Variants in GLYATL2 observed in about 807,000 individuals in gnomAD.
GLYATL2 encodes the protein glycine-N-acyltransferase like 2, also known as glycine N-acyltransferase-like protein 2.
In GLYATL2, 25 loss-of-function variants were observed where a neutral mutation model predicts 21.4. The observed-to-expected ratio is 1.17, with a 90% CI of 0.85 to 1.63. The LOEUF is 1.63. Ranked by LOEUF, GLYATL2 falls within the 40% of genes most tolerant of loss-of-function variation. The probability of loss-of-function intolerance (pLI) is 0.00; values close to 1 mark genes in which losing one functional copy is unlikely to be tolerated. For missense variants in GLYATL2, 361 were observed against 343.3 expected (o/e 1.05, Z -0.41); for synonymous variants, 114 against 118.2 (o/e 0.96, Z 0.23).
intron 1 of GLYATL2, among the ~76,000 whole-genome samples, chr11:58,895,878 G>A (rs185946068): frequency 6.6e-6 from 1 of 150,790 alleles, no homozygotes; most frequent in South Asian, 2.1e-4. Flanking sequence ...TTTTTTGAAG[G>A]AGTCTGGCTC....
upstream of GLYATL2, among the ~76,000 whole-genome samples, chr11:58,906,437 G>A (rs1854887899): frequency 6.6e-6 from 1 of 152,090 alleles, no homozygotes; most frequent in Admixed American, 6.5e-5. Flanking sequence ...CACTGATCAG[G>A]GAATGGAACA....
chr11:58,849,745 A>G (rs1853706682), intron 1 of GLYATL2, among the ~76,000 whole-genome samples: 1 of 152,188 alleles, frequency 6.6e-6, no homozygotes, highest in Non-Finnish European at 1.5e-5. Context: ...ATGAGAACAC[A>G]TGGACAAAGG....
chr11:58,873,271 C>A (rs1240976963), intron 1 of GLYATL2, among the ~76,000 whole-genome samples: 2 of 151,576 alleles, frequency 1.3e-5, no homozygotes, highest in African/African-American at 4.8e-5. Context: ...ATTGAATACC[C>A]TTTATTTCCT....
chr11:58,900,039 C>T (rs1054243066), intron 1 of GLYATL2, among the ~76,000 whole-genome samples: 1 of 152,048 alleles, frequency 6.6e-6, no homozygotes, highest in Non-Finnish European at 1.5e-5. Context: ...CGAAACCATG[C>T]GGAGCACCGG....
chr11:58,850,615 C>T (rs1281866567), intron 1 of GLYATL2, among the ~76,000 whole-genome samples: 2 of 152,030 alleles, frequency 1.3e-5, no homozygotes, highest in Admixed American at 1.3e-4. Flanking sequence ...CCAGACAGGG[C>T]CACTAGATGG....
chr11:58,886,143 G>A lies in GLYATL2; in HGVS notation n.60+18013C>T, dbSNP rs548483053. Among the ~76,000 whole-genome samples, 10 of 152,288 alleles carry A rather than the reference G, an allele frequency of 6.6e-5. No individual in the cohort carries two copies. In the South Asian group the frequency reaches 8.3e-4, roughly 13 times the overall value. On this transcript the variant is annotated intron_variant and non_coding_transcript_variant, in intron 1 of 4. Coordinates refer to the GLYATL2 transcript ENST00000533636. Reference sequence around the variant, plus strand: ...AGGTGGGAGGATGGCTTGAGCCCCAGGAGGTCGAGGTTGCATTGAGCCAAG... The same window carrying A: ...AGGTGGGAGGATGGCTTGAGCCCCAAGAGGTCGAGGTTGCATTGAGCCAAG...
chr11:58,880,295 T>C (rs1376197685), intron 1 of GLYATL2, among the ~76,000 whole-genome samples: 4 of 152,096 alleles, frequency 2.6e-5, no homozygotes, highest in Non-Finnish European at 2.9e-5. Context: ...GAGGCCAGGA[T>C]GGGGTCATAA....
At chr11:58,861,883 G>A (rs1397961650) in intron 1 of GLYATL2, among the ~76,000 whole-genome samples, 1 of 151,844 alleles carries the variant, frequency 6.6e-6, no homozygotes, top group Admixed American at 6.6e-5. Context: ...TTGTTATCTG[G>A]AATGATAAAT....
At chr11:58,838,076 C>T (rs1348720573) in intron 3 of GLYATL2, among the ~76,000 whole-genome samples, 185 bp downstream of exon 3, 2 of 152,136 alleles carry the variant, frequency 1.3e-5, no homozygotes, top group Non-Finnish European at 2.9e-5. Flanking sequence ...GATTACTGAT[C>T]ACTGGATCTA....
At chr11:58,897,703 C>T (rs1283383248) in intron 1 of GLYATL2, among the ~76,000 whole-genome samples, 1 of 152,224 alleles carries the variant, frequency 6.6e-6, no homozygotes, top group Non-Finnish European at 1.5e-5. Context: ...CCTTTGTAAG[C>T]ATATTCCCTG....
upstream of GLYATL2, chr11:58,905,323 A>T: frequency 2.5e-6 from 1 of 393,400 alleles, no homozygotes. Context: ...TGCGACTTGC[A>T]GTCAGCTGGA....
At chr11:58,875,394 T>C (rs1854209766) in intron 1 of GLYATL2, among the ~76,000 whole-genome samples, 1 of 152,232 alleles carries the variant, frequency 6.6e-6, no homozygotes, top group Non-Finnish European at 1.5e-5. Flanking sequence ...TTGATGGTCT[T>C]TACAATTTGG....
chr11:58,836,912 G>A (rs1853441231), intron 5 of GLYATL2, 103 bp downstream of exon 5: 1 of 975,048 alleles, frequency 1.0e-6, no homozygotes, highest in Non-Finnish European at 1.6e-6. Context: ...CAATTGTGTA[G>A]CCCATCATAA....
chr11:58,844,789 A>T (rs1446955176), upstream of GLYATL2: 9 of 152,324 alleles, frequency 5.9e-5, no homozygotes, highest in East Asian at 1.3e-3. Context: ...TCAATTTTCC[A>T]TTGTTGGCAA....
At chr11:58,892,085 G>A (rs931612091) in intron 1 of GLYATL2, 1 of 152,274 alleles carries the variant, frequency 6.6e-6, no homozygotes, top group Non-Finnish European at 1.5e-5. Context: ...TATTATCCAT[G>A]TGCCCAACTG....
At chr11:58,845,751 C>T (rs772799153), upstream of GLYATL2, among the ~76,000 whole-genome samples, 7 of 152,152 alleles carry the variant, frequency 4.6e-5, no homozygotes, top group Admixed American at 6.5e-5. Context: ...GGTCACAAAA[C>T]TAACCAGTGG....
intron 1 of GLYATL2, among the ~76,000 whole-genome samples, chr11:58,888,402 A>C (rs539733655): frequency 2.6e-5 from 4 of 152,108 alleles, no homozygotes; most frequent in Admixed American, 6.6e-5. Flanking sequence ...CTCCAAGATC[A>C]TACAAGTGTT....
intron 1 of GLYATL2, among the ~76,000 whole-genome samples, chr11:58,894,524 TA>T (rs1354368735): frequency 6.7e-6 from 1 of 148,934 alleles, no homozygotes; most frequent in East Asian, 2.0e-4. Flanking sequence ...AATCTAGATT[TA>T]AAAAAACAAA....
intron 1 of GLYATL2, among the ~76,000 whole-genome samples, chr11:58,852,625 A>G (rs1344907339): frequency 6.6e-6 from 1 of 152,248 alleles, no homozygotes; most frequent in Non-Finnish European, 1.5e-5. Flanking sequence ...TAGCCGATCC[A>G]GGATTAAGGC....
Sources: allele counts gnomAD v4.1 joint callset (sites outside exome capture counted in the v4.1 genomes callset), GRCh38; gene constraint gnomAD v4.1.1; transcripts MANE v1.5; gene names NCBI Gene and HGNC (gene_info 2026-07-23, HGNC 2026-07-21).